CSMD1: variants seen among roughly 807,000 people sequenced by gnomAD.
CSMD1 encodes CUB and Sushi multiple domains 1, also known as CUB and sushi domain-containing protein 1.
In CSMD1, 213 loss-of-function variants were observed where a neutral mutation model predicts 417.5. That is an observed-to-expected ratio of 0.51 (90% CI 0.46 to 0.57). CSMD1 has a LOEUF of 0.57. CSMD1 is among the 20% of genes least tolerant of loss of function. The pLI is 0.00. For missense variants in CSMD1, 6,923 were observed against 4,529.7 expected (o/e 1.53, Z -15.17); for synonymous variants, 2,862 against 1,736.8 (o/e 1.65, Z -16.11).
intron 62 of CSMD1, 144 bp downstream of exon 62, chr8:2,960,997 T>C: frequency 4.2e-6 from 1 of 236,638 alleles, no homozygotes; most frequent in Non-Finnish European, 8.2e-6. Flanking sequence ...TAAAAACACA[T>C]GTAGAAATCC....
chr8:3,303,628 C>G (rs989284132), intron 25 of CSMD1, among the ~76,000 whole-genome samples: 2 of 152,104 alleles, frequency 1.3e-5, no homozygotes, highest in East Asian at 1.9e-4. Context: ...GGCAGAAAAG[C>G]AATTAAAGCT....
intron 5 of CSMD1, among the ~76,000 whole-genome samples, chr8:3,992,971 A>T (rs1814873711): frequency 6.6e-6 from 1 of 152,382 alleles, no homozygotes; most frequent in South Asian, 2.1e-4. Flanking sequence ...AGAAAGATGG[A>T]AACGGCCACA....
At chr8:4,589,862 A>C (rs1270154224) in intron 2 of CSMD1, among the ~76,000 whole-genome samples, 1 of 152,194 alleles carries the variant, frequency 6.6e-6, no homozygotes, top group Admixed American at 6.5e-5. Flanking sequence ...AATTTTCAGA[A>C]TCTATCAGGA....
At chr8:3,997,464 A>G (rs1226882450) in intron 5 of CSMD1, among the ~76,000 whole-genome samples, 2 of 152,232 alleles carry the variant, frequency 1.3e-5, no homozygotes, top group Admixed American at 6.5e-5. Flanking sequence ...AGGTGGCTAC[A>G]GAATGTGGTA....
chr8:4,930,298 C>T (rs192865773), intron 1 of CSMD1, among the ~76,000 whole-genome samples: 1 of 152,076 alleles, frequency 6.6e-6, no homozygotes, highest in Non-Finnish European at 1.5e-5. Flanking sequence ...GTGTCATATG[C>T]AATTGGTGTG....
intron 3 of CSMD1, among the ~76,000 whole-genome samples, chr8:4,151,765 C>T (rs1320581622): frequency 2.0e-5 from 3 of 152,124 alleles, no homozygotes; most frequent in Non-Finnish European, 4.4e-5. Context: ...TTTCCTAGTG[C>T]CACATTTCTT....
At chr8:4,943,931 T>C (rs1217988083) in intron 1 of CSMD1, among the ~76,000 whole-genome samples, 1 of 152,172 alleles carries the variant, frequency 6.6e-6, no homozygotes, top group Non-Finnish European at 1.5e-5. Flanking sequence ...AGCTGGATAT[T>C]GATTATGGAA....
chr8:4,065,780 A>G (rs1032961885), intron 3 of CSMD1, among the ~76,000 whole-genome samples: 7 of 152,206 alleles, frequency 4.6e-5, no homozygotes, highest in African/African-American at 1.4e-4. Context: ...ACTACAGCAA[A>G]TAAGAATTCC....
intron 30 of CSMD1, among the ~76,000 whole-genome samples, chr8:3,206,226 G>A (rs111967600): frequency 1.7e-4 from 23 of 137,894 alleles, no homozygotes; most frequent in African/African-American, 3.2e-4. Context: ...GTGTGTGTCT[G>A]TGTGTGTGTG....
chr8:4,292,051 G>C (rs1797399887), intron 3 of CSMD1, among the ~76,000 whole-genome samples: 1 of 152,010 alleles, frequency 6.6e-6, no homozygotes, highest in African/African-American at 2.4e-5. Flanking sequence ...ATGGAGGTTT[G>C]GACACTTGAT....
At chr8:4,825,927 A>T (rs1327104502) in intron 1 of CSMD1, among the ~76,000 whole-genome samples, 1 of 145,534 alleles carries the variant, frequency 6.9e-6, no homozygotes, top group Non-Finnish European at 1.6e-5. Context: ...GCAGATCAAA[A>T]AACAGGCAGC....
intron 5 of CSMD1, among the ~76,000 whole-genome samples, chr8:3,831,926 C>G (rs1802401059): frequency 6.6e-6 from 1 of 152,128 alleles, no homozygotes; most frequent in Non-Finnish European, 1.5e-5. Context: ...AAATACCCCC[C>G]AGAGATTAGT....
At chr8:4,006,282 A>C (rs1271266524) in intron 4 of CSMD1, among the ~76,000 whole-genome samples, 1 of 152,218 alleles carries the variant, frequency 6.6e-6, no homozygotes, top group Non-Finnish European at 1.5e-5. Flanking sequence ...TCTGGAATAA[A>C]CAAAAAATGA....
chr8:4,191,535 C>G (rs1262261582), intron 3 of CSMD1, among the ~76,000 whole-genome samples: 1 of 152,142 alleles, frequency 6.6e-6, no homozygotes, highest in African/African-American at 2.4e-5. Flanking sequence ...AAACATGTGT[C>G]TCATCTGAAC....
intron 7 of CSMD1, among the ~76,000 whole-genome samples, chr8:3,673,394 A>C (rs1799186490): frequency 6.6e-6 from 1 of 152,228 alleles, no homozygotes; most frequent in African/African-American, 2.4e-5. Context: ...GAATATGGAG[A>C]TGAAAGTATT....
At position 2,963,407 on chromosome 8, in the gene CSMD1, GA is replaced by G; in HGVS notation, c.9281-13del. 6.2e-7 allele frequency: 1 copy of G among 1,610,326 alleles called. No individual in the cohort carries two copies. The highest frequency in any genetic ancestry group is 8.5e-7 in the Non-Finnish European group (1 of 1,176,784). On this transcript the variant is annotated splice_polypyrimidine_tract_variant and intron_variant, in intron 59 of 69. Transcript: ENST00000635120. ...AGGACACAGCACGGCTATTTCCAAA[GA>G]ACAAACAAGATCAACATTCCGGAGC...
intron 5 of CSMD1, among the ~76,000 whole-genome samples, chr8:3,993,311 G>A (rs956361247): frequency 2.0e-5 from 3 of 152,162 alleles, no homozygotes; most frequent in African/African-American, 7.2e-5. Context: ...GTGAGAGAAG[G>A]ATTGATTTCA....
At chr8:3,278,518 A>G (rs1456099303) in intron 26 of CSMD1, 1 of 152,208 alleles carries the variant, frequency 6.6e-6, no homozygotes, top group Admixed American at 6.5e-5. Flanking sequence ...TAAAACATCA[A>G]TCATATGAGG....
intron 1 of CSMD1, among the ~76,000 whole-genome samples, chr8:4,855,379 A>C (rs2063514458): frequency 6.6e-6 from 1 of 152,198 alleles, no homozygotes; most frequent in Non-Finnish European, 1.5e-5. Context: ...AAAGGAACGC[A>C]GTTCCTCACC....
Sources: gnomAD v4.1 joint callset for allele counts (sites outside exome capture counted in the v4.1 genomes callset) on GRCh38, gnomAD v4.1.1 for gene constraint, MANE v1.5 for transcripts, NCBI Gene and HGNC (gene_info 2026-07-23, HGNC 2026-07-21) for gene names.